Variants in UNC79 observed in about 807,000 individuals in gnomAD.
UNC79 encodes unc-79 subunit of NALCN channel complex.
UNC79 carries 37 observed loss-of-function variants against 283.1 expected under a neutral mutation model. The ratio of observed to expected loss-of-function variants is 0.13; its 90% CI spans 0.10 to 0.17. The LOEUF (loss-of-function observed/expected upper bound fraction) is 0.17. Among genes scored for constraint, UNC79 ranks in the 10% least tolerant of loss-of-function variants. UNC79 has a pLI of 1.00. For synonymous variants in UNC79, 1,107 were observed against 1,200.2 expected, an observed-to-expected ratio of 0.92 and a Z score of 1.61; for missense variants, 2,272 against 3,211.1, an observed-to-expected ratio of 0.71 and a Z score of 7.07.
In UNC79 at chr14:93,617,323, G is replaced by C. The variant is rs372850226; in HGVS notation, c.4224+19G>C. 8.7e-5 allele frequency: 140 copies of C among 1,612,232 alleles called. No individual in the cohort carries two copies. The highest frequency in any genetic ancestry group is 1.1e-4 in the Non-Finnish European group (130 of 1,179,040). Reference sequence around the variant, plus strand: ...TTACAAGGTGAGCTGGGTGGTCACTGCTGTTTTGGATGCAATGGTTCTCTT... The same window carrying C: ...TTACAAGGTGAGCTGGGTGGTCACTCCTGTTTTGGATGCAATGGTTCTCTT... On this transcript the variant is annotated intron_variant, in intron 28 of 48. Coordinates refer to ENST00000555664, the Ensembl canonical transcript of UNC79. The surrounding 1 kb of genome is among the most constrained non-coding windows in gnomAD (Gnocchi z 4.5).
intron 1 of UNC79, among the ~76,000 whole-genome samples, chr14:93,423,826 C>T (rs1035237895): frequency 6.6e-6 from 1 of 152,162 alleles, no homozygotes; most frequent in Non-Finnish European, 1.5e-5. Flanking sequence ...GAGTAATACT[C>T]CACAGGCACA....
chr14:93,409,654 C>T (rs750669385), intron 1 of UNC79, among the ~76,000 whole-genome samples: 3 of 152,068 alleles, frequency 2.0e-5, no homozygotes, highest in Non-Finnish European at 4.4e-5. Flanking sequence ...CACCACTGCA[C>T]TACAGCCTGG....
intron 11 of UNC79, among the ~76,000 whole-genome samples, chr14:93,533,476 A>G (rs1286495399): frequency 6.6e-6 from 1 of 152,154 alleles, no homozygotes; most frequent in East Asian, 1.9e-4. Context: ...GTTGGTGGGT[A>G]AGCTGGAATT....
intron 18 of UNC79, among the ~76,000 whole-genome samples, chr14:93,579,860 C>T (rs528271369): frequency 2.6e-5 from 4 of 152,252 alleles, no homozygotes; most frequent in South Asian, 2.1e-4. Flanking sequence ...TCTCACAAAC[C>T]GATTAGCCAA....
chr14:93,358,392 A>G (rs996421807), intron 1 of UNC79, among the ~76,000 whole-genome samples: 1 of 152,196 alleles, frequency 6.6e-6, no homozygotes, highest in African/African-American at 2.4e-5. Flanking sequence ...CAGCTTCAGA[A>G]GCAGATCCTG....
chr14:93,597,331 G>A (rs749450356), intron 23 of UNC79, 28 bp from the exon 24 acceptor site: 11 of 1,609,146 alleles, frequency 6.8e-6, no homozygotes, highest in Admixed American at 3.3e-5. Flanking sequence ...GTGTATTTAC[G>A]TATTTTGCCT....
At chr14:93,534,453 T>C (rs718465) in intron 11 of UNC79, among the ~76,000 whole-genome samples, 130,259 of 152,116 alleles carry the variant, frequency 0.86, 55,925 homozygotes, top group East Asian at 0.93. Context: ...TGTGGATTTT[T>C]AGTGAATCTC....
At chr14:93,402,276 CAAA>C (rs1232880016) in intron 1 of UNC79, among the ~76,000 whole-genome samples, 14 of 64,988 alleles carry the variant, frequency 2.2e-4, no homozygotes, top group South Asian at 1.9e-3. Flanking sequence ...GACTCTGTCT[CAAA>C]AAAAAAAAAA....
intron 1 of UNC79, among the ~76,000 whole-genome samples, chr14:93,461,403 C>G (rs943215394): frequency 6.6e-6 from 1 of 152,092 alleles, no homozygotes; most frequent in African/African-American, 2.4e-5. Context: ...GGCTTTTGCT[C>G]TCAAAAAGTA....
At chr14:93,491,922 C>T (rs908047829) in intron 5 of UNC79, among the ~76,000 whole-genome samples, 7 of 152,158 alleles carry the variant, frequency 4.6e-5, no homozygotes, top group East Asian at 1.9e-4. Context: ...AGCACTTAAG[C>T]GAGGCAATAT....
chr14:93,446,292 G>A (rs552731359), intron 1 of UNC79, among the ~76,000 whole-genome samples: 1 of 152,032 alleles, frequency 6.6e-6, no homozygotes, highest in African/African-American at 2.4e-5. Context: ...TGCTTTAGGC[G>A]CATTCCACCA....
At chr14:93,702,398 T>G (rs1266341310) in intron 47 of UNC79, among the ~76,000 whole-genome samples, 1 of 152,214 alleles carries the variant, frequency 6.6e-6, no homozygotes, top group Non-Finnish European at 1.5e-5. Context: ...AAGTGTTAGC[T>G]AGCTGCAACA....
exon 30 of UNC79, chr14:93,622,793 G>A (rs1211015458): frequency 2.5e-6 from 4 of 1,613,976 alleles, no homozygotes; most frequent in South Asian, 1.1e-5. Context: ...AGAGTACCTC[G>A]ACATCTCCTT....
At chr14:93,618,028 C>A (rs1412759217) in intron 28 of UNC79, among the ~76,000 whole-genome samples, 164 bp from the exon 30 acceptor site, 5 of 152,142 alleles carry the variant, frequency 3.3e-5, no homozygotes, top group African/African-American at 1.2e-4. Context: ...TCTAACTAAA[C>A]AAATAAATAA....
chr14:93,529,857 G>A (rs1270229867), intron 10 of UNC79, among the ~76,000 whole-genome samples: 2 of 152,168 alleles, frequency 1.3e-5, no homozygotes, highest in Admixed American at 1.3e-4. Flanking sequence ...AATGCTTCTT[G>A]TAGTTTGTCA....
At chr14:93,588,676 G>C (rs2064392680) in intron 22 of UNC79, among the ~76,000 whole-genome samples, 1 of 147,132 alleles carries the variant, frequency 6.8e-6, no homozygotes, top group African/African-American at 2.6e-5. Flanking sequence ...GGGAGGTGGA[G>C]CTTGCAGTGA....
At chr14:93,552,843 C>T (rs1422920960) in intron 14 of UNC79, among the ~76,000 whole-genome samples, 1 of 152,086 alleles carries the variant, frequency 6.6e-6, no homozygotes, top group Non-Finnish European at 1.5e-5. Flanking sequence ...CTCTTGAAGT[C>T]CAAAGATAAC....
Position 93,467,663 on chromosome 14 carries a change from T to TTTTTTTTTTTG in UNC79, c.23-7_23-6insTTTTTTTTTGT. ...TTTTTTTTTTTTTTTTTTTTTGCTT[T>TTTTTTTTTTTG]TATCTAGTTGCTTCCAAGATCCGGT... On this transcript the variant is annotated splice_region_variant and splice_polypyrimidine_tract_variant and intron_variant, in intron 1 of 48. Coordinates refer to ENST00000555664, the Ensembl canonical transcript of UNC79. 8.0e-7 allele frequency: 1 copy of TTTTTTTTTTTG among 1,251,870 alleles called. No homozygotes were observed. Among genetic ancestry groups the TTTTTTTTTTTG allele is most frequent in the Non-Finnish European group, 1.0e-6 (1 of 1,003,484 alleles). 77.5% of individuals were successfully genotyped at this position (1,251,870 alleles called of 1,614,324 possible). A position where few individuals can be genotyped will look rare whatever the true frequency, so the allele number is the denominator to read the frequency against.
intron 23 of UNC79, among the ~76,000 whole-genome samples, chr14:93,594,718 C>G (rs971425496): frequency 6.6e-5 from 10 of 152,024 alleles, no homozygotes; most frequent in Non-Finnish European, 1.2e-4. Context: ...AAGGAAGGAA[C>G]CTGGGAGGGT....
Sources: gnomAD v4.1 joint callset for allele counts (sites outside exome capture counted in the v4.1 genomes callset) on GRCh38, gnomAD v4.1.1 for gene constraint, Gnocchi (gnomAD v3.1) non-coding constraint, MANE v1.5 for transcripts, NCBI Gene and HGNC (gene_info 2026-07-23, HGNC 2026-07-21) for gene names.